The following HEXIM2 variants were observed in gnomAD, a reference collection of about 807,000 sequenced individuals.
The protein encoded by HEXIM2 is protein HEXIM2.
For synonymous variants in HEXIM2, 159 were observed against 162.7 expected, an observed-to-expected ratio of 0.98 and a Z score of 0.17; for missense variants, 413 against 390.8, an observed-to-expected ratio of 1.06 and a Z score of -0.48.
intron 3 of HEXIM2, among the ~76,000 whole-genome samples, chr17:45,163,241 G>A (rs1329428566): frequency 1.4e-5 from 2 of 143,898 alleles, no homozygotes; most frequent in Non-Finnish European, 3.0e-5. Flanking sequence ...CAGGAGAATC[G>A]CTTGAACCCA....
chr17:45,169,910 TC>T lies in HEXIM2; in HGVS notation c.*102del. 1 of 992,178 alleles carries T rather than the reference TC, an allele frequency of 1.0e-6. No homozygotes were observed. The highest frequency in any genetic ancestry group is 2.0e-5 in the South Asian group (1 of 49,450). 61.5% of individuals were successfully genotyped at this position (992,178 alleles called of 1,614,324 possible). A position where few individuals can be genotyped will look rare whatever the true frequency, so the allele number is the denominator to read the frequency against. ...GGCAGGTGGCAGATGAAAACCACCG[TC>T]AACACCCTGTGCGCCCTGAGAACAG... On this transcript the variant is annotated 3_prime_UTR_variant, in exon 4 of 4. Transcript: ENST00000589230.
At chr17:45,161,196 G>A (rs534416239), upstream of HEXIM2, 79 of 358,068 alleles carry the variant, frequency 2.2e-4, no homozygotes, top group East Asian at 1.1e-3. Flanking sequence ...AAAGACCGCA[G>A]AGGGAAGCCG....
chr17:45,161,252 AT>A (rs1366464137), upstream of HEXIM2: 1 of 351,296 alleles, frequency 2.8e-6, no homozygotes, highest in African/African-American at 2.1e-5. Flanking sequence ...ACACGCGGTA[AT>A]TACCGAAGAA....
At chr17:45,162,150 T>C in intron 1 of HEXIM2, 119 bp downstream of exon 1, 1 of 376,314 alleles carries the variant, frequency 2.7e-6, no homozygotes, top group Non-Finnish European at 3.7e-6. Context: ...CTCTTTCCCC[T>C]TTTCTCCTGT....
Position 45,169,111 on chromosome 17 carries a change from G to A in HEXIM2, c.163G>A (p.Asp55Asn), listed in dbSNP as rs779522379. 2.5e-6 allele frequency: 4 copies of A among 1,613,946 alleles called. No individual in the cohort carries two copies. The African/African-American group carries it at 4.0e-5, about 16-fold the overall frequency. ...LTPRMESHSEDEDLAGAVGGL... is the reference protein window; with the variant it reads ...LTPRMESHSENEDLAGAVGGL... ...ACCGCGGATGGAGAGCCACTCAGAG[G>A]ATGAAGATCTTGCTGGGGCTGTCGG... Residue 55 changes from aspartate to asparagine, a missense_variant, in exon 4 of 4, where the codon GAT (aspartate) becomes AAT (asparagine). Transcript: ENST00000589230.
upstream of HEXIM2, chr17:45,161,320 G>A: frequency 3.4e-6 from 1 of 294,766 alleles, no homozygotes; most frequent in Admixed American, 4.2e-5. Flanking sequence ...TGAGGACCGG[G>A]CTCGGCCGAG....
chr17:45,169,222 C>G lies in HEXIM2; in HGVS notation c.274C>G (p.Arg92Gly), dbSNP rs368642121. The part of the protein sequence containing the change: ...AEAVLARKKH[R>G]RRPSKRKRHW... Reference sequence around the variant, plus strand: ...GGCTGTGCTGGCCCGGAAGAAACACCGTCGGCGGCCATCGAAGCGCAAAAG... The same window carrying G: ...GGCTGTGCTGGCCCGGAAGAAACACGGTCGGCGGCCATCGAAGCGCAAAAG... The change falls in exon 4 of 4, where the codon CGT becomes GGT. Residue 92 changes from arginine to glycine, a missense_variant. Physicochemically the swap from Arg to Gly is moderately radical, Grantham distance 125 (BLOSUM62 -2). Transcript: ENST00000589230. 6.2e-7 allele frequency: 1 copy of G among 1,613,480 alleles called. No individual in the cohort carries two copies. Among genetic ancestry groups the G allele is most frequent in the Non-Finnish European group, 8.5e-7 (1 of 1,180,036 alleles).
rs868232896 is a variant in HEXIM2 at position 45,169,555 on chromosome 17, G to T, written c.607G>T (p.Glu203Ter). Reference protein sequence around the residue: ...FSETYERFHTESLQGRSKQEL... With the variant: ...FSETYERFHT The stretch of plus-strand genomic sequence containing the variant: ...TGAGACTTACGAACGCTTCCACACC[G>T]AGAGCCTGCAGGGCCGCAGCAAGCA... The change falls in exon 4 of 4, where the codon GAG becomes TAG. Residue 203 changes from glutamate (E) to a stop codon, truncating the protein, a stop_gained. Transcript: ENST00000589230. LOFTEE classifies it low-confidence loss of function (END_TRUNC). 3 of 1,563,964 alleles carry T rather than the reference G, an allele frequency of 1.9e-6. No homozygotes were observed. The highest frequency in any genetic ancestry group is 1.7e-6 in the Non-Finnish European group (2 of 1,155,056).
upstream of HEXIM2, chr17:45,160,855 C>T (rs1057154699): frequency 7.2e-6 from 9 of 1,251,822 alleles, no homozygotes; most frequent in African/African-American, 1.1e-4. Context: ...TAGCTGCTCC[C>T]AGGGGGAATT....
intron 3 of HEXIM2, among the ~76,000 whole-genome samples, chr17:45,165,466 G>T (rs1206253965): frequency 1.3e-5 from 2 of 152,072 alleles, no homozygotes; most frequent in Non-Finnish European, 2.9e-5. Context: ...CAACATACCA[G>T]TGGTAGTGGT....
intron 3 of HEXIM2, among the ~76,000 whole-genome samples, chr17:45,165,976 T>C (rs2042833365): frequency 6.6e-6 from 1 of 151,756 alleles, no homozygotes; most frequent in South Asian, 2.1e-4. Flanking sequence ...TTTGTATTTT[T>C]AGTAGAGACG....
chr17:45,169,909 G>T lies in HEXIM2; in HGVS notation c.*100G>T. 1.0e-6 allele frequency: 1 copy of T among 992,124 alleles called. No homozygotes were observed. Among genetic ancestry groups the T allele is most frequent in the Non-Finnish European group, 1.4e-6 (1 of 712,194 alleles). 61.5% of individuals were successfully genotyped at this position (992,124 alleles called of 1,614,324 possible). A position where few individuals can be genotyped will look rare whatever the true frequency, so the allele number is the denominator to read the frequency against. ...AGGCAGGTGGCAGATGAAAACCACC[G>T]TCAACACCCTGTGCGCCCTGAGAAC... On this transcript the variant is annotated 3_prime_UTR_variant, in exon 4 of 4. Transcript: ENST00000589230.
chr17:45,161,276 T>A, upstream of HEXIM2: 1 of 323,862 alleles, frequency 3.1e-6, no homozygotes, highest in Non-Finnish European at 6.2e-6. Flanking sequence ...CCGCACTCTG[T>A]GAGAGGCGAG....
At chr17:45,160,799 A>G, upstream of HEXIM2, 2 of 655,316 alleles carry the variant, frequency 3.1e-6, no homozygotes, top group Non-Finnish European at 2.4e-6. Flanking sequence ...AGAGCCTCAG[A>G]GACCTTCAGG....
At position 45,162,524 on chromosome 17, in the gene HEXIM2, C is replaced by T; in HGVS notation, c.-156C>T. ...AGGACATGAGTCCTGGTGAGGGACCCGAGGAGCAGGACAGAGAAGACGGCC... is the reference window on the plus strand; with the variant it reads ...AGGACATGAGTCCTGGTGAGGGACCTGAGGAGCAGGACAGAGAAGACGGCC... On this transcript the variant is annotated 5_prime_UTR_variant, in exon 2 of 4. Transcript: ENST00000589230. 1 of 1,300,354 alleles carries T rather than the reference C, an allele frequency of 7.7e-7. No individual in the cohort carries two copies. The highest frequency in any genetic ancestry group is 9.9e-7 in the Non-Finnish European group (1 of 1,015,172). The allele number at this position is 1,300,354 out of a possible 1,614,324, so 80.6% of individuals were successfully genotyped here.
chr17:45,169,728 G>T lies in HEXIM2; in HGVS notation c.780G>T (p.Arg260=). The T allele has an allele frequency of 8.7e-6, 13 of 1,502,308 alleles. No individual in the cohort carries two copies. Among genetic ancestry groups the T allele is most frequent in the Non-Finnish European group, 1.2e-5 (13 of 1,124,428 alleles). 93.1% of individuals were successfully genotyped at this position (1,502,308 alleles called of 1,614,324 possible). Residue 260 remains arginine, a synonymous_variant, in exon 4 of 4, where the codon CGG becomes CGT. Transcript: ENST00000589230. The part of the protein sequence containing the change: ...EELAAEVQRL[R]TENQRLRQEN... ...TGGCTGCCGAGGTCCAGAGGCTCCG[G>T]ACCGAAAACCAGCGGCTTCGTCAGG...
chr17:45,167,120 G>A (rs1190990913), intron 3 of HEXIM2, among the ~76,000 whole-genome samples: 4 of 150,690 alleles, frequency 2.7e-5, no homozygotes, highest in Non-Finnish European at 5.9e-5. Context: ...GAGGTCAGGA[G>A]TTCCACACCA....
At chr17:45,167,255 G>A (rs1420885045) in intron 3 of HEXIM2, among the ~76,000 whole-genome samples, 2 of 151,960 alleles carry the variant, frequency 1.3e-5, no homozygotes, top group African/African-American at 4.8e-5. Context: ...GAACCTGGAA[G>A]GCGGAGGTTG....
chr17:45,169,592 G>A lies in HEXIM2; in HGVS notation c.644G>A (p.Arg215Gln), dbSNP rs2042971492. 2.6e-6 allele frequency: 4 copies of A among 1,544,174 alleles called. No individual in the cohort carries two copies. In the South Asian group the frequency reaches 3.6e-5, roughly 14 times the overall value. Reference protein sequence around the residue: ...LQGRSKQELVRDYLELEKRLS... With the variant: ...LQGRSKQELVQDYLELEKRLS... ...GGCCGCAGCAAGCAGGAGCTGGTGC[G>A]AGACTACCTGGAGCTGGAGAAGCGG... The change falls in exon 4 of 4, where the codon CGA becomes CAA. Residue 215 changes from arginine to glutamine, a missense_variant. Coordinates refer to ENST00000589230, the MANE Select transcript of HEXIM2 (RefSeq NM_001303441.2).
Sources: gnomAD v4.1 joint callset for allele counts (sites outside exome capture counted in the v4.1 genomes callset) on GRCh38, gnomAD v4.1.1 for gene constraint, MANE v1.5 for transcripts, NCBI Gene and HGNC (gene_info 2026-07-23, HGNC 2026-07-21) for gene names.